The following GUCY1A2 variants were observed in gnomAD, a reference collection of about 807,000 sequenced individuals.
GUCY1A2 encodes guanylate cyclase soluble subunit alpha-2.
In GUCY1A2, 27 loss-of-function variants were observed where a neutral mutation model predicts 63.5. That is an observed-to-expected ratio of 0.43 (90% CI 0.31 to 0.59). The LOEUF is 0.59. Ranked by LOEUF, GUCY1A2 falls within the 20% of genes least tolerant of loss-of-function variation. The pLI, the probability that GUCY1A2 is intolerant of heterozygous loss-of-function variation, is 0.11. For synonymous variants in GUCY1A2, 364 were observed against 343.5 expected (o/e 1.06, Z -0.66); for missense variants, 768 against 913.3 (o/e 0.84, Z 2.05).
chr11:106,943,970 C>T (rs1309084367), intron 3 of GUCY1A2, among the ~76,000 whole-genome samples: 1 of 151,830 alleles, frequency 6.6e-6, no homozygotes, highest in Non-Finnish European at 1.5e-5. Context: ...CTTTGGGAGG[C>T]CAAAGCAGGC....
chr11:106,902,809 A>C (rs1860152508), intron 4 of GUCY1A2, among the ~76,000 whole-genome samples: 1 of 152,176 alleles, frequency 6.6e-6, no homozygotes. Context: ...AGATTATATT[A>C]GATATTATAA....
intron 4 of GUCY1A2, among the ~76,000 whole-genome samples, chr11:106,859,334 T>G (rs571392754): frequency 6.6e-6 from 1 of 152,014 alleles, no homozygotes; most frequent in Non-Finnish European, 1.5e-5. Flanking sequence ...CAGGGGATAA[T>G]AGACATTGTC....
intron 6 of GUCY1A2, among the ~76,000 whole-genome samples, chr11:106,753,984 T>C (rs2135387021): frequency 6.6e-6 from 1 of 152,366 alleles, no homozygotes; most frequent in East Asian, 1.9e-4. Context: ...TTCCTATCCA[T>C]GAGCATGGAA....
At chr11:106,788,589 T>C (rs1864605686) in intron 5 of GUCY1A2, among the ~76,000 whole-genome samples, 1 of 152,192 alleles carries the variant, frequency 6.6e-6, no homozygotes, top group South Asian at 2.1e-4. Context: ...GTCTAGTTTC[T>C]TTCTTCTGCA....
chr11:106,770,768 T>C (rs1257765136), intron 6 of GUCY1A2, among the ~76,000 whole-genome samples: 6 of 151,368 alleles, frequency 4.0e-5, no homozygotes, highest in Non-Finnish European at 8.8e-5. Context: ...TTACAATACA[T>C]GTAAATTGCA....
chr11:106,893,952 C>T (rs777088282), intron 4 of GUCY1A2, among the ~76,000 whole-genome samples: 8 of 152,152 alleles, frequency 5.3e-5, no homozygotes, highest in African/African-American at 7.2e-5. Context: ...GAGGAAAATT[C>T]CCTTATGATT....
intron 4 of GUCY1A2, among the ~76,000 whole-genome samples, chr11:106,905,068 G>A (rs12364578): frequency 0.16 from 23,975 of 152,048 alleles, 2,327 homozygotes; most frequent in African/African-American, 0.27. Context: ...AACCATGAAT[G>A]TAAGGCACTG....
At chr11:106,763,985 G>A (rs1864114697) in intron 6 of GUCY1A2, among the ~76,000 whole-genome samples, 1 of 151,926 alleles carries the variant, frequency 6.6e-6, no homozygotes. Context: ...TGCTTTCCTA[G>A]TTTTTGGATT....
rs553159027 is a variant in GUCY1A2, at chr11:106,938,032, G to A, written c.1206+1428C>T. Among the ~76,000 whole-genome samples the A allele has an allele frequency of 2.6e-5, 4 of 152,138 alleles. No individual in the cohort carries two copies. In the South Asian group the frequency reaches 8.3e-4, roughly 32 times the overall value. On this transcript the variant is annotated intron_variant, in intron 4 of 7. Transcript: ENST00000526355. ...AGCTCACTGCAGCCTCTGCCTCCTG[G>A]GTTCAAGCGATTCTCCTGTCTCAGC...
intron 4 of GUCY1A2, among the ~76,000 whole-genome samples, chr11:106,888,644 G>A (rs1259035555): frequency 1.3e-5 from 2 of 152,132 alleles, no homozygotes; most frequent in Admixed American, 1.3e-4. Flanking sequence ...ACCACAATAA[G>A]TGCAATGATT....
intron 4 of GUCY1A2, among the ~76,000 whole-genome samples, chr11:106,844,415 GA>G (rs1261555805): frequency 6.6e-6 from 1 of 151,640 alleles, no homozygotes; most frequent in Non-Finnish European, 1.5e-5. Flanking sequence ...CAGTAGTATG[GA>G]TCATCAATAT....
intron 4 of GUCY1A2, among the ~76,000 whole-genome samples, chr11:106,858,249 C>A (rs1157103483): frequency 1.3e-5 from 2 of 151,998 alleles, no homozygotes; most frequent in Non-Finnish European, 2.9e-5. Flanking sequence ...GATTGTTTAC[C>A]TTTTAATGTC....
chr11:106,948,396 T>A (rs1458346172), intron 3 of GUCY1A2, among the ~76,000 whole-genome samples: 1 of 152,128 alleles, frequency 6.6e-6, no homozygotes, highest in Non-Finnish European at 1.5e-5. Flanking sequence ...GGAAAATATA[T>A]CAGCATAAAT....
intron 4 of GUCY1A2, among the ~76,000 whole-genome samples, chr11:106,938,040 C>T (rs574683471): frequency 2.0e-5 from 3 of 152,150 alleles, no homozygotes; most frequent in South Asian, 4.2e-4. Flanking sequence ...TGGGTTCAAG[C>T]GATTCTCCTG....
intron 6 of GUCY1A2, among the ~76,000 whole-genome samples, chr11:106,710,008 T>C (rs1863070542): frequency 2.6e-5 from 1 of 37,890 alleles, no homozygotes; most frequent in Admixed American, 2.7e-4. Flanking sequence ...TTATATATAA[T>C]AGTTATATAT....
chr11:106,842,811 C>A (rs1387787690), intron 4 of GUCY1A2, among the ~76,000 whole-genome samples: 1 of 151,910 alleles, frequency 6.6e-6, no homozygotes, highest in Admixed American at 6.6e-5. Context: ...GCTTGTGATT[C>A]TCAAATAAGC....
At chr11:106,689,726 C>A (rs1369750829) in intron 7 of GUCY1A2, among the ~76,000 whole-genome samples, 1 of 152,148 alleles carries the variant, frequency 6.6e-6, no homozygotes, top group Non-Finnish European at 1.5e-5. Context: ...CACGGTGGCT[C>A]ACGCCTGTAA....
At chr11:107,008,843 G>A (rs1050102310) in intron 1 of GUCY1A2, among the ~76,000 whole-genome samples, 1 of 152,210 alleles carries the variant, frequency 6.6e-6, no homozygotes, top group Non-Finnish European at 1.5e-5. Flanking sequence ...CCAGTATTAA[G>A]TTGGAGGGTT....
At chr11:106,714,901 T>G (rs1231423250) in intron 6 of GUCY1A2, among the ~76,000 whole-genome samples, 1 of 152,106 alleles carries the variant, frequency 6.6e-6, no homozygotes, top group Non-Finnish European at 1.5e-5. Flanking sequence ...TTAATCTTGG[T>G]AAACGAGGAT....
Sources: gnomAD v4.1 joint callset for allele counts (sites outside exome capture counted in the v4.1 genomes callset) on GRCh38, gnomAD v4.1.1 for gene constraint, MANE v1.5 for transcripts, NCBI Gene and HGNC (gene_info 2026-07-23, HGNC 2026-07-21) for gene names.